Variants in PRSS36 observed in about 807,000 individuals in gnomAD.
PRSS36 encodes polyserase-2.
Under a neutral mutation model 94.3 loss-of-function variants are expected in PRSS36, and 90 were observed. The ratio of observed to expected loss-of-function variants is 0.95; its 90% CI spans 0.80 to 1.14. The LOEUF (loss-of-function observed/expected upper bound fraction) is 1.14. Among genes scored for constraint, PRSS36 ranks in the 50% most tolerant of loss-of-function variants. The probability of loss-of-function intolerance (pLI) is 0.00; values close to 1 mark genes in which losing one functional copy is unlikely to be tolerated. For missense variants in PRSS36, 1,158 were observed against 1,135.0 expected (o/e 1.02, Z -0.29); for synonymous variants, 500 against 489.6 (o/e 1.02, Z -0.28).
At position 31,140,517 on chromosome 16, in the gene PRSS36, C is replaced by G; in HGVS notation, c.2142G>C (p.Leu714Phe). 1 of 1,577,778 alleles carries G rather than the reference C, an allele frequency of 6.3e-7. No individual in the cohort carries two copies. The highest frequency in any genetic ancestry group is 1.8e-5 in the Admixed American group (1 of 56,798). Reference sequence around the variant, plus strand: ...CTCGGTCCTGGGGTTCTTTCCAGCCCAACACCCAGCAGCTGGCCCCCGGGG... The same window carrying G: ...CTCGGTCCTGGGGTTCTTTCCAGCCGAACACCCAGCAGCTGGCCCCCGGGG... ...GIPPGASCWVLGWKEPQDRVP... is the reference protein window; with the variant it reads ...GIPPGASCWVFGWKEPQDRVP... Residue 714 changes from leucine (L) to phenylalanine (F), a missense_variant, in exon 13 of 15, where the codon TTG becomes TTC. Physicochemically the swap from Leu to Phe is conservative, Grantham distance 22. Coordinates refer to ENST00000268281, the MANE Select transcript of PRSS36 (RefSeq NM_173502.5).
chr16:31,139,054 C>A lies in PRSS36; in HGVS notation c.*84G>T. On this transcript the variant is annotated 3_prime_UTR_variant, in exon 15 of 15. Coordinates refer to ENST00000268281, the MANE Select transcript of PRSS36 (RefSeq NM_173502.5). ...CTCGGTGGGTGGGGCCCTTGAGGTT[C>A]CAGCCGGCTGGGCCACATTCCAGCC... The A allele has an allele frequency of 6.9e-7, 1 of 1,453,846 alleles. No individual in the cohort carries two copies. The highest frequency in any genetic ancestry group is 9.2e-7 in the Non-Finnish European group (1 of 1,086,234). 90.1% of individuals were successfully genotyped at this position (1,453,846 alleles called of 1,614,324 possible). A position where few individuals can be genotyped will look rare whatever the true frequency, so the allele number is the denominator to read the frequency against.
At chr16:31,144,891 C>T (rs2057773502) in intron 6 of PRSS36, among the ~76,000 whole-genome samples, 1 of 151,416 alleles carries the variant, frequency 6.6e-6, no homozygotes, top group South Asian at 2.1e-4. Context: ...AGTTCGAGAC[C>T]AGCCTGACTA....
chr16:31,139,399 G>A lies in PRSS36; in HGVS notation c.2307C>T (p.Pro769=), dbSNP rs2057645350. 2 of 1,613,812 alleles carry A rather than the reference G, an allele frequency of 1.2e-6. No homozygotes were observed. Among genetic ancestry groups the A allele is most frequent in the African/African-American group, 1.3e-5 (1 of 74,908 alleles). Residue 769 remains proline, a synonymous_variant, in exon 15 of 15, where the codon CCC becomes CCT. Transcript: ENST00000268281. ...ENRCEMTSAP[P]LLCQMTEGSW... The stretch of plus-strand genomic sequence containing the variant: ...ACCCTTCCGTCATCTGGCACAGGAG[G>A]GGCGGTGCTGAGGTCATCTGCAGAG...
intron 14 of PRSS36, among the ~76,000 whole-genome samples, chr16:31,139,809 G>A (rs1378475939): frequency 1.3e-5 from 2 of 148,542 alleles, no homozygotes; most frequent in African/African-American, 5.0e-5. Context: ...GAACCTGGGA[G>A]GTGGAGGTTG....
chr16:31,142,686 G>T (rs1259354861), intron 9 of PRSS36, 42 bp from the exon 10 acceptor site: 8 of 1,401,012 alleles, frequency 5.7e-6, no homozygotes, highest in Admixed American at 3.1e-5. Context: ...CGGCCCAGAC[G>T]GCCCCTGCAC....
chr16:31,143,241 G>C (rs1567448317), intron 8 of PRSS36, 101 bp downstream of exon 8: 13 of 1,478,180 alleles, frequency 8.8e-6, no homozygotes, highest in Non-Finnish European at 1.2e-5. Context: ...ATGGGACCCC[G>C]CCCCCCCCAC....
In PRSS36 at chr16:31,140,516, C is replaced by A; in HGVS notation, c.2143G>T (p.Gly715Cys). ...CCTCGGTCCTGGGGTTCTTTCCAGC[C>A]CAACACCCAGCAGCTGGCCCCCGGG... ...IPPGASCWVLGWKEPQDRVPV... is the reference protein window; with the variant it reads ...IPPGASCWVLCWKEPQDRVPV... Residue 715 changes from glycine (G) to cysteine (C), a missense_variant, in exon 13 of 15, where the codon GGC (glycine) becomes TGC (cysteine). Gly to Cys is a radical substitution (Grantham distance 159). Transcript: ENST00000268281. The A allele has an allele frequency of 1.9e-6, 3 of 1,578,460 alleles. No individual in the cohort carries two copies. Among genetic ancestry groups the A allele is most frequent in the Non-Finnish European group, 1.7e-6 (2 of 1,161,586 alleles).
intron 8 of PRSS36, 33 bp from the exon 9 acceptor site, chr16:31,143,026 A>T: frequency 7.3e-7 from 1 of 1,373,104 alleles, no homozygotes; most frequent in Admixed American, 3.6e-5. Flanking sequence ...CGTGGGCCGG[A>T]TCCCGCACAC....
chr16:31,140,872 C>G (rs1182316067), intron 12 of PRSS36, 115 bp from the exon 13 acceptor site: 1 of 1,151,968 alleles, frequency 8.7e-7, no homozygotes, highest in Non-Finnish European at 1.2e-6. Context: ...TTCATCATCC[C>G]TCCTTCCAAA....
Position 31,142,504 on chromosome 16 carries a change from T to C in PRSS36, c.1498A>G (p.Lys500Glu), listed in dbSNP as rs765570273. The change falls in exon 10 of 15, where the codon AAG becomes GAG. Residue 500 changes from lysine to glutamate, a missense_variant. Physicochemically the swap from Lys to Glu is moderately conservative, Grantham distance 56 (BLOSUM62 1). Transcript: ENST00000268281. ...PHALCPAYQE[K>E]EEVGSCWNDS... ...ACCCAGCAGCTGCCCACCTCCTCCTTTTCCTGGTAGGCAGGGCAGAGCGCG... is the reference window on the plus strand; with the variant it reads ...ACCCAGCAGCTGCCCACCTCCTCCTCTTCCTGGTAGGCAGGGCAGAGCGCG... The C allele has an allele frequency of 8.0e-6, 12 of 1,493,422 alleles. No homozygotes were observed. In the South Asian group the frequency reaches 1.5e-4, roughly 18 times the overall value. 92.5% of individuals were successfully genotyped at this position (1,493,422 alleles called of 1,614,324 possible).
At chr16:31,148,808 G>T (rs1247074163) in intron 4 of PRSS36, 133 bp from the exon 5 acceptor site, 1 of 1,271,224 alleles carries the variant, frequency 7.9e-7, no homozygotes. Flanking sequence ...TCCTCAAAGG[G>T]GAAGAGCAAA....
chr16:31,148,819 T>A, intron 4 of PRSS36, 144 bp from the exon 5 acceptor site: 1 of 1,170,416 alleles, frequency 8.5e-7, no homozygotes, highest in East Asian at 2.5e-5. Context: ...GAAGAGCAAA[T>A]CCGATTTGGA....
chr16:31,147,059 ACCAG>A (rs2057808548), intron 5 of PRSS36, among the ~76,000 whole-genome samples: 1 of 152,124 alleles, frequency 6.6e-6, no homozygotes, highest in Non-Finnish European at 1.5e-5. Context: ...CTTGGGGCTC[ACCAG>A]GGAAGTTGGG....
Position 31,141,710 on chromosome 16 carries a change from G to C in PRSS36, c.1759+13C>G. 1.2e-6 allele frequency: 2 copies of C among 1,608,628 alleles called. No individual in the cohort carries two copies. The highest frequency in any genetic ancestry group is 1.7e-6 in the Non-Finnish European group (2 of 1,175,392). ...TCCCAGGAGCCCCTAGGGCCCAAAA[G>C]CGTCCTGCTCACCACCATGCTCTGT... On this transcript the variant is annotated intron_variant, in intron 11 of 14. Transcript: ENST00000268281.
In PRSS36 at chr16:31,141,680, T is replaced by A. The variant is rs367979107; in HGVS notation, c.1759+43A>T. Reference sequence around the variant, plus strand: ...CCCCTGAGCCCCTGCCATGGGTCTGTGCACTCCCAGGAGCCCCTAGGGCCC... The same window carrying A: ...CCCCTGAGCCCCTGCCATGGGTCTGAGCACTCCCAGGAGCCCCTAGGGCCC... On this transcript the variant is annotated intron_variant, in intron 11 of 14. Coordinates refer to ENST00000268281, the MANE Select transcript of PRSS36 (RefSeq NM_173502.5). 5.5e-5 allele frequency: 88 copies of A among 1,608,204 alleles called. 1 individual carries two copies. Among genetic ancestry groups the A allele is most frequent in the South Asian group, 5.2e-4 (47 of 90,928 alleles).
chr16:31,148,495 C>T lies in PRSS36; in HGVS notation c.453G>A (p.Leu151=). Residue 151 remains leucine, a synonymous_variant, in exon 5 of 15, where the codon CTG becomes CTA. Transcript: ENST00000268281. The part of the protein sequence containing the change: ...ALLRLASPAS[L]GPAVWPVCLP... ...GGCAGACAGGCCACACGGCGGGGCC[C>T]AGGCTGGCGGGTGAGGCCAGGCGCA... The T allele has an allele frequency of 1.3e-6, 2 of 1,580,226 alleles. No homozygotes were observed. The highest frequency in any genetic ancestry group is 2.1e-4 in the Middle Eastern group (1 of 4,790).
chr16:31,139,049 AGGTTCC>A lies in PRSS36; in HGVS notation c.*83_*88del. On this transcript the variant is annotated 3_prime_UTR_variant, in exon 15 of 15. Transcript: ENST00000268281. ...GCAATCTCGGTGGGTGGGGCCCTTG[AGGTTCC>A]AGCCGGCTGGGCCACATTCCAGCCC... 1 of 1,411,646 alleles carries A rather than the reference AGGTTCC, an allele frequency of 7.1e-7. No homozygotes were observed. Among genetic ancestry groups the A allele is most frequent in the Non-Finnish European group, 9.5e-7 (1 of 1,051,986 alleles). The allele number at this position is 1,411,646 out of a possible 1,614,324, so 87.4% of individuals were successfully genotyped here.
chr16:31,139,514 T>A (rs987180475), intron 14 of PRSS36, 98 bp from the exon 15 acceptor site: 33 of 1,374,338 alleles, frequency 2.4e-5, no homozygotes, highest in Non-Finnish European at 2.8e-5. Flanking sequence ...CTGGTCTGCA[T>A]CCCTAGACAT....
rs2057703601 is a variant in PRSS36, at chr16:31,142,044, A to AT, written c.1522-85dup. 3 of 1,215,074 alleles carry AT rather than the reference A, an allele frequency of 2.5e-6. No individual in the cohort carries two copies. In the Admixed American group the frequency reaches 5.7e-5, roughly 23 times the overall value. The allele number at this position is 1,215,074 out of a possible 1,614,324, so 75.3% of individuals were successfully genotyped here. On this transcript the variant is annotated intron_variant, in intron 10 of 14. Transcript: ENST00000268281. ...CTCCTGGGGCTTTCCAGGACTCCAGATTTTCCCATTTGCGGAAGTATCAAG... is the reference window on the plus strand; with the variant it reads ...CTCCTGGGGCTTTCCAGGACTCCAGATTTTTCCCATTTGCGGAAGTATCAAG...
Sources: gnomAD v4.1 joint callset for allele counts (sites outside exome capture counted in the v4.1 genomes callset) on GRCh38, gnomAD v4.1.1 for gene constraint, MANE v1.5 for transcripts, NCBI Gene and HGNC (gene_info 2026-07-23, HGNC 2026-07-21) for gene names.